RNPC3: variants seen among roughly 807,000 people sequenced by gnomAD.
The protein encoded by RNPC3 is RNA-binding region-containing protein 3.
RNPC3 carries 48 observed loss-of-function variants against 67.5 expected under a neutral mutation model. That is an observed-to-expected ratio of 0.71 (90% CI 0.56 to 0.90). The LOEUF (loss-of-function observed/expected upper bound fraction) is 0.90, where lower values mean the gene tolerates loss of function less well. Among genes scored for constraint, RNPC3 ranks in the 40% least tolerant of loss-of-function variants. The pLI is 0.00. For synonymous variants in RNPC3, 239 were observed against 210.3 expected (o/e 1.14, Z -1.18); for missense variants, 637 against 626.1 (o/e 1.02, Z -0.19).
intron 2 of RNPC3, among the ~76,000 whole-genome samples, chr1:103,530,504 G>T (rs1247828176): frequency 6.6e-6 from 1 of 152,168 alleles, no homozygotes; most frequent in Non-Finnish European, 1.5e-5. Flanking sequence ...TGTGACTGGA[G>T]CAGACATAGT....
intron 2 of RNPC3, among the ~76,000 whole-genome samples, chr1:103,529,050 GCC>G (rs1017484005): frequency 2.8e-4 from 43 of 152,140 alleles, no homozygotes; most frequent in Admixed American, 2.8e-3. Flanking sequence ...TGGAATGATA[GCC>G]CAGATAGAGT....
chr1:103,539,742 G>A (rs1651075864), intron 7 of RNPC3, among the ~76,000 whole-genome samples: 1 of 152,128 alleles, frequency 6.6e-6, no homozygotes, highest in Non-Finnish European at 1.5e-5. Flanking sequence ...AAGAAAAATG[G>A]TACAGGTTGA....
chr1:103,527,020 T>G (rs1036173650), intron 1 of RNPC3, among the ~76,000 whole-genome samples: 3 of 146,482 alleles, frequency 2.0e-5, no homozygotes, highest in Non-Finnish European at 4.5e-5. Context: ...GCCTGCAAAT[T>G]AAAAAAAAAA....
At chr1:103,538,571 A>G (rs1000578915) in intron 7 of RNPC3, among the ~76,000 whole-genome samples, 4 of 152,206 alleles carry the variant, frequency 2.6e-5, no homozygotes, top group African/African-American at 9.6e-5. Context: ...TAATGTATTG[A>G]TCAGATGACA....
chr1:103,535,497 T>G, intron 5 of RNPC3, 56 bp downstream of exon 5: 1 of 1,051,554 alleles, frequency 9.5e-7, no homozygotes, highest in Non-Finnish European at 1.4e-6. Context: ...GATACTTTAT[T>G]TTTCATGCTG....
At chr1:103,531,059 T>A (rs995409166) in intron 2 of RNPC3, among the ~76,000 whole-genome samples, 2 of 152,158 alleles carry the variant, frequency 1.3e-5, no homozygotes, top group Non-Finnish European at 2.9e-5. Context: ...TGGGTCCTCA[T>A]AGCTTAGCTC....
chr1:103,544,910 TTAATGGTTAATGTTAATA>T lies in RNPC3; in HGVS notation c.1046-29_1046-12del. On this transcript the variant is annotated splice_polypyrimidine_tract_variant and intron_variant, in intron 9 of 14. Coordinates refer to ENST00000423855, the MANE Select transcript of RNPC3 (RefSeq NM_017619.4). ...AAAACTATTTTTAAAGGAGAGATTC[TTAATGGTTAATGTTAATA>T]TTGAACTCTTAGATTTACCTGCTAC... The T allele has an allele frequency of 7.1e-7, 1 of 1,412,720 alleles. No homozygotes were observed. 87.5% of individuals were successfully genotyped at this position (1,412,720 alleles called of 1,614,324 possible). A position where few individuals can be genotyped will look rare whatever the true frequency, so the allele number is the denominator to read the frequency against.
chr1:103,550,942 T>A lies in RNPC3; in HGVS notation c.1363T>A (p.Phe455Ile). The A allele has an allele frequency of 6.2e-7, 1 of 1,610,476 alleles. No homozygotes were observed. The highest frequency in any genetic ancestry group is 8.5e-7 in the Non-Finnish European group (1 of 1,179,226). Residue 455 changes from phenylalanine (F) to isoleucine (I), a missense_variant and splice_region_variant, in exon 13 of 15, where the codon TTT becomes ATT. Physicochemically the swap from Phe to Ile is conservative, Grantham distance 21. This residue lies in a region of RNPC3 where 96 missense variants were observed against 105.8 expected (regional missense o/e 0.91). Coordinates refer to ENST00000423855, the MANE Select transcript of RNPC3 (RefSeq NM_017619.4). ...DFSSETQRIM[F>I]DIRLMKEGRM... is the part of the protein sequence containing the mutation. The stretch of plus-strand genomic sequence containing the variant: ...ATCAAAACTGTTTCTTCCTTCTAGG[T>A]TTGATATACGTTTGATGAAAGAAGG...
intron 14 of RNPC3, among the ~76,000 whole-genome samples, chr1:103,552,985 A>C (rs1461494644): frequency 6.6e-6 from 1 of 152,166 alleles, no homozygotes; most frequent in Non-Finnish European, 1.5e-5. Flanking sequence ...TTTTTATTTA[A>C]ATTTTTGTTC....
chr1:103,551,878 G>T, intron 14 of RNPC3, 86 bp downstream of exon 14: 1 of 681,624 alleles, frequency 1.5e-6, no homozygotes, highest in Non-Finnish European at 2.3e-6. Flanking sequence ...TAGTAATTCA[G>T]GTATCTCTTT....
At chr1:103,548,877 A>G (rs990252404) in intron 12 of RNPC3, among the ~76,000 whole-genome samples, 1 of 152,228 alleles carries the variant, frequency 6.6e-6, no homozygotes, top group African/African-American at 2.4e-5. Context: ...GGGAAGCCTC[A>G]CAATCGTGGC....
intron 2 of RNPC3, among the ~76,000 whole-genome samples, chr1:103,532,944 A>G (rs957489166): frequency 1.3e-5 from 2 of 152,180 alleles, no homozygotes; most frequent in South Asian, 4.1e-4. Flanking sequence ...GTTTTACTGC[A>G]AAACTAATAA....
Position 103,525,827 on chromosome 1 carries a change from A to T in RNPC3, c.-244A>T. On this transcript the variant is annotated 5_prime_UTR_variant, in exon 1 of 15. It adds an upstream start codon to the 5' untranslated region. Transcript: ENST00000423855. ...ATCTCTGGGCCAATTTTTGCTTGTA[A>T]GTCTTTCCGGAGACCCCTGGAATTT... is the stretch of plus-strand genomic sequence containing the variant. 1 of 439,650 alleles carries T rather than the reference A, an allele frequency of 2.3e-6. No individual in the cohort carries two copies. Among genetic ancestry groups the T allele is most frequent in the Non-Finnish European group, 4.1e-6 (1 of 245,426 alleles). 27.2% of individuals were successfully genotyped at this position (439,650 alleles called of 1,614,324 possible).
chr1:103,528,305 G>C (rs975460129), intron 2 of RNPC3, among the ~76,000 whole-genome samples: 9 of 152,272 alleles, frequency 5.9e-5, no homozygotes, highest in Non-Finnish European at 1.0e-4. Context: ...ATACTTTTGA[G>C]CTGGCTCATA....
At chr1:103,541,072 TATG>T (rs571825350) in intron 7 of RNPC3, among the ~76,000 whole-genome samples, 1 of 152,164 alleles carries the variant, frequency 6.6e-6, no homozygotes, top group South Asian at 2.1e-4. Context: ...GGCAACTGCT[TATG>T]ATGAAACATA....
chr1:103,553,526 T>C (rs1651451058), intron 14 of RNPC3: 1 of 152,216 alleles, frequency 6.6e-6, no homozygotes, highest in Non-Finnish European at 1.5e-5. Flanking sequence ...CTGTCCTTTA[T>C]ATAATTTTTT....
intron 5 of RNPC3, among the ~76,000 whole-genome samples, chr1:103,535,905 G>A (rs1411916999): frequency 2.0e-5 from 3 of 151,972 alleles, no homozygotes; most frequent in African/African-American, 7.2e-5. Context: ...CATTCTTAGC[G>A]ATGGGACTAA....
chr1:103,549,742 G>C (rs1270667868), intron 12 of RNPC3, among the ~76,000 whole-genome samples: 7 of 152,136 alleles, frequency 4.6e-5, no homozygotes, highest in African/African-American at 1.7e-4. Flanking sequence ...TCTGACTTTA[G>C]ATCTTAGCTA....
chr1:103,553,092 G>T (rs535673936), intron 14 of RNPC3, among the ~76,000 whole-genome samples: 1 of 152,196 alleles, frequency 6.6e-6, no homozygotes, highest in African/African-American at 2.4e-5. Context: ...TTAATATTTA[G>T]TCCTTCTGAG....
Sources: allele counts gnomAD v4.1 joint callset (sites outside exome capture counted in the v4.1 genomes callset), GRCh38; gene constraint gnomAD v4.1.1; regional missense constraint gnomAD v4.1.1; transcripts MANE v1.5; gene names NCBI Gene and HGNC (gene_info 2026-07-23, HGNC 2026-07-21).